HNRNPUL1: variants seen among roughly 807,000 people sequenced by gnomAD.
HNRNPUL1 encodes heterogeneous nuclear ribonucleoprotein U-like protein 1.
Under a neutral mutation model 108.5 loss-of-function variants are expected in HNRNPUL1, and 14 were observed. The observed-to-expected ratio is 0.13, with a 90% CI of 0.09 to 0.20. The LOEUF (loss-of-function observed/expected upper bound fraction) is 0.20, where lower values mean the gene tolerates loss of function less well. HNRNPUL1 is among the 10% of genes least tolerant of loss of function. The probability of loss-of-function intolerance (pLI) is 1.00; values close to 1 mark genes in which losing one functional copy is unlikely to be tolerated. For synonymous variants in HNRNPUL1, 422 were observed against 445.2 expected, an observed-to-expected ratio of 0.95 and a Z score of 0.66; for missense variants, 804 against 1,168.3, an observed-to-expected ratio of 0.69 and a Z score of 4.55.
At chr19:41,298,402 C>T (rs1016322567) in intron 10 of HNRNPUL1, 2 of 152,230 alleles carry the variant, frequency 1.3e-5, no homozygotes, top group Admixed American at 6.5e-5. Flanking sequence ...AAAAGCTGAC[C>T]TAGCTGTTGT....
At chr19:41,280,226 AC>A (rs1388488805) in intron 6 of HNRNPUL1, among the ~76,000 whole-genome samples, 3 of 152,178 alleles carry the variant, frequency 2.0e-5, no homozygotes, top group Non-Finnish European at 4.4e-5. Context: ...TTAGGGGGTA[AC>A]AAGGTGGAGG....
At chr19:41,290,296 A>ATC (rs2122780962) in intron 7 of HNRNPUL1, among the ~76,000 whole-genome samples, 1 of 152,326 alleles carries the variant, frequency 6.6e-6, no homozygotes, top group East Asian at 1.9e-4. Context: ...AAAAATATTT[A>ATC]ACAAACGTTT....
chr19:41,305,963 A>C, intron 14 of HNRNPUL1, 96 bp downstream of exon 14: 1 of 843,038 alleles, frequency 1.2e-6, no homozygotes, highest in Non-Finnish European at 1.9e-6. Context: ...TATCCCTAAA[A>C]AGACAGCCTG....
intron 5 of HNRNPUL1, among the ~76,000 whole-genome samples, chr19:41,278,173 C>T (rs1021608441): frequency 1.3e-5 from 2 of 152,090 alleles, no homozygotes; most frequent in African/African-American, 4.8e-5. Flanking sequence ...GATTCTCCTG[C>T]CTCAGCCTCC....
At chr19:41,284,838 A>G (rs1400661605) in intron 7 of HNRNPUL1, among the ~76,000 whole-genome samples, 3 of 152,110 alleles carry the variant, frequency 2.0e-5, no homozygotes, top group Non-Finnish European at 4.4e-5. Flanking sequence ...TCTACTAAAA[A>G]TACAAAAATT....
chr19:41,263,930 T>C (rs1022004573), upstream of HNRNPUL1, among the ~76,000 whole-genome samples: 15 of 152,208 alleles, frequency 9.9e-5, no homozygotes, highest in African/African-American at 3.1e-4. Flanking sequence ...TGATTGGTTC[T>C]AGTGGTTTTA....
chr19:41,304,137 C>T lies in HNRNPUL1; in HGVS notation c.2138C>T (p.Pro713Leu). The T allele has an allele frequency of 1.2e-6, 2 of 1,614,176 alleles. No individual in the cohort carries two copies. Among genetic ancestry groups the T allele is most frequent in the Non-Finnish European group, 1.7e-6 (2 of 1,180,020 alleles). ...CAGCCACCACCCCAGCAGCCACCGCCACCACCCAGCTACAGCCCTGCTCGG... is the reference window on the plus strand; with the variant it reads ...CAGCCACCACCCCAGCAGCCACCGCTACCACCCAGCTACAGCCCTGCTCGG... ...PPQPPPQQPP[P>L]PPSYSPARNP... Residue 713 changes from proline to leucine, a missense_variant, in exon 13 of 15, where the codon CCA (proline) becomes CTA (leucine). Pro to Leu is a moderately conservative substitution (Grantham distance 98, BLOSUM62 -3). Transcript: ENST00000392006.
chr19:41,275,966 G>T (rs2035529483), intron 4 of HNRNPUL1, among the ~76,000 whole-genome samples, 193 bp from the exon 5 acceptor site: 1 of 152,134 alleles, frequency 6.6e-6, no homozygotes, highest in Non-Finnish European at 1.5e-5. Context: ...AGTCAGGTGT[G>T]GTGGTGCATG....
chr19:41,269,764 G>A (rs778255773), intron 2 of HNRNPUL1, among the ~76,000 whole-genome samples: 1 of 152,036 alleles, frequency 6.6e-6, no homozygotes, highest in African/African-American at 2.4e-5. Flanking sequence ...GATCGTGCAC[G>A]GCACTGCAGC....
chr19:41,283,137 TTC>T (rs1370551278), intron 7 of HNRNPUL1, among the ~76,000 whole-genome samples: 2 of 152,220 alleles, frequency 1.3e-5, no homozygotes, highest in African/African-American at 4.8e-5. Flanking sequence ...ACTAGTCTGT[TTC>T]ATCATTTACT....
intron 1 of HNRNPUL1, 184 bp downstream of exon 1, chr19:41,264,982 C>T: frequency 7.4e-7 from 1 of 1,349,998 alleles, no homozygotes; most frequent in Non-Finnish European, 9.5e-7. Context: ...GATCCTGACA[C>T]TCAGTGCAGG....
intron 1 of HNRNPUL1, chr19:41,265,072 G>A: frequency 1.4e-6 from 2 of 1,416,296 alleles, no homozygotes; most frequent in Non-Finnish European, 1.8e-6. Flanking sequence ...CGTAGGGATC[G>A]GAGACCGGAA....
In HNRNPUL1 at chr19:41,264,511, T is replaced by C; in HGVS notation, c.8T>C (p.Val3Ala). The C allele has an allele frequency of 7.0e-7, 1 of 1,427,882 alleles. No homozygotes were observed. The highest frequency in any genetic ancestry group is 9.2e-7 in the Non-Finnish European group (1 of 1,088,586). 88.5% of individuals were successfully genotyped at this position (1,427,882 alleles called of 1,614,324 possible). Residue 3 changes from valine (V) to alanine (A), a missense_variant, in exon 1 of 15, where the codon GTG becomes GCG. By Grantham distance (64) the Val-to-Ala change is moderately conservative (BLOSUM62 0). Around this residue, in one of 4 missense-constraint regions of HNRNPUL1, gnomAD observed 256 missense variants for 261.6 expected, o/e 0.98. Transcript: ENST00000392006. The part of the protein sequence containing the change: MD[V>A]RRLKVNELRE... Reference sequence around the variant, plus strand: ...ACCCCGGGGGCCCGGGCCATGGATGTGCGCCGTCTGAAGGTGAACGAACTT... The same window carrying C: ...ACCCCGGGGGCCCGGGCCATGGATGCGCGCCGTCTGAAGGTGAACGAACTT...
intron 7 of HNRNPUL1, among the ~76,000 whole-genome samples, chr19:41,287,582 C>CA (rs2122740044): frequency 6.6e-6 from 1 of 152,102 alleles, no homozygotes; most frequent in African/African-American, 2.4e-5. Flanking sequence ...GTTTTTGAGA[C>CA]AGAGTTTCGC....
chr19:41,304,634 T>C (rs2123002895), intron 13 of HNRNPUL1, among the ~76,000 whole-genome samples: 1 of 152,366 alleles, frequency 6.6e-6, no homozygotes, highest in Middle Eastern at 3.4e-3. Context: ...CCAGGCTGGC[T>C]GACCTCTTTG....
chr19:41,283,707 C>T (rs904245761), intron 7 of HNRNPUL1, among the ~76,000 whole-genome samples: 22 of 152,162 alleles, frequency 1.4e-4, no homozygotes, highest in Admixed American at 9.2e-4. Flanking sequence ...CCACCTGCCT[C>T]GGCCTCCCAA....
In HNRNPUL1 at chr19:41,307,431, G is replaced by C. The variant is rs2037602906; in HGVS notation, c.*866G>C. The stretch of plus-strand genomic sequence containing the variant: ...GATTCAGTGGGTGAGAGGGAAGAAG[G>C]GGAGGTTGGGGGGCTCCTTCCCTTC... On this transcript the variant is annotated 3_prime_UTR_variant, in exon 15 of 15. Transcript: ENST00000392006. The C allele has an allele frequency of 6.6e-6, 1 of 152,540 alleles. No homozygotes were observed. Among genetic ancestry groups the C allele is most frequent in the Non-Finnish European group, 1.5e-5 (1 of 68,030 alleles). The allele number at this position is 152,540 out of a possible 1,614,324, so 9.4% of individuals were successfully genotyped here. A position where few individuals can be genotyped will look rare whatever the true frequency, so the allele number is the denominator to read the frequency against.
intron 4 of HNRNPUL1, 22 bp from the exon 5 acceptor site, chr19:41,276,137 C>G (rs766076652): frequency 2.7e-5 from 43 of 1,613,678 alleles, no homozygotes; most frequent in Non-Finnish European, 3.5e-5. Context: ...CATCAGCCAA[C>G]TGTGGGCATT....
At chr19:41,304,388 T>C in intron 13 of HNRNPUL1, 127 bp downstream of exon 13, 2 of 1,453,522 alleles carry the variant, frequency 1.4e-6, no homozygotes, top group Admixed American at 2.7e-5. Context: ...CTCTAACCTC[T>C]AGCCTGCCCT....
Sources: allele counts gnomAD v4.1 joint callset (sites outside exome capture counted in the v4.1 genomes callset), GRCh38; gene constraint gnomAD v4.1.1; regional missense constraint gnomAD v4.1.1; transcripts MANE v1.5; gene names NCBI Gene and HGNC (gene_info 2026-07-23, HGNC 2026-07-21).